Variants in MGAT4C observed in about 807,000 individuals in gnomAD.
The protein encoded by MGAT4C is MGAT4 family member C.
A neutral mutation model predicts 40.1 loss-of-function variants in MGAT4C; 19 were observed. The observed-to-expected ratio is 0.47, with a 90% CI of 0.33 to 0.70. MGAT4C has a LOEUF of 0.70. Among genes scored for constraint, MGAT4C ranks in the 30% least tolerant of loss-of-function variants. MGAT4C has a pLI of 0.02. For missense variants in MGAT4C, 491 were observed against 563.2 expected, an observed-to-expected ratio of 0.87 and a Z score of 1.30; for synonymous variants, 181 against 187.1, an observed-to-expected ratio of 0.97 and a Z score of 0.27.
intron 2 of MGAT4C, 24 bp downstream of exon 2, chr12:86,049,650 A>G: frequency 1.0e-6 from 1 of 970,258 alleles, no homozygotes; most frequent in Non-Finnish European, 1.2e-6. Flanking sequence ...TTAGAATACT[A>G]CCATGAATGA....
intron 4 of MGAT4C, among the ~76,000 whole-genome samples, chr12:86,318,361 C>T (rs1954296895): frequency 6.6e-6 from 1 of 152,106 alleles, no homozygotes; most frequent in Non-Finnish European, 1.5e-5. Context: ...CCTGAAGGAG[C>T]AGCCATCACA....
intron 3 of MGAT4C, among the ~76,000 whole-genome samples, chr12:86,416,474 G>A (rs1406595153): frequency 6.6e-6 from 1 of 152,048 alleles, no homozygotes; most frequent in Admixed American, 6.6e-5. Context: ...CAGAGGCACT[G>A]GTTACCCAGT....
chr12:86,044,952 AG>A (rs1892240274), intron 2 of MGAT4C, among the ~76,000 whole-genome samples: 2 of 151,966 alleles, frequency 1.3e-5, no homozygotes, highest in Admixed American at 1.3e-4. Flanking sequence ...GTTCATGGTG[AG>A]GGCAGGTTGC....
At chr12:85,991,528 C>T (rs970891582) in intron 2 of MGAT4C, among the ~76,000 whole-genome samples, 1 of 152,150 alleles carries the variant, frequency 6.6e-6, no homozygotes, top group African/African-American at 2.4e-5. Context: ...CTGCTTGCAC[C>T]AATGGGCACC....
At chr12:86,719,153 G>GATGC (rs1162218195) in intron 2 of MGAT4C, among the ~76,000 whole-genome samples, 3 of 152,106 alleles carry the variant, frequency 2.0e-5, no homozygotes, top group Admixed American at 6.5e-5. Context: ...AGAACTTGAG[G>GATGC]GCATGGTCCA....
chr12:86,309,979 C>T (rs577953878), intron 4 of MGAT4C, among the ~76,000 whole-genome samples: 18 of 150,442 alleles, frequency 1.2e-4, no homozygotes, highest in East Asian at 1.2e-3. Flanking sequence ...AAGAAAGATA[C>T]GATAAAGCAA....
At chr12:86,605,482 G>T (rs1962012005) in intron 2 of MGAT4C, among the ~76,000 whole-genome samples, 2 of 152,110 alleles carry the variant, frequency 1.3e-5, no homozygotes, top group African/African-American at 4.8e-5. Flanking sequence ...TAATTTTCTG[G>T]TAATCAATCA....
chr12:86,190,131 T>G (rs548968346), intron 1 of MGAT4C, among the ~76,000 whole-genome samples: 1 of 152,036 alleles, frequency 6.6e-6, no homozygotes, highest in Non-Finnish European at 1.5e-5. Context: ...ATTTGGGGAA[T>G]AAATGCCAAA....
chr12:86,352,410 C>G (rs549659183), intron 3 of MGAT4C, among the ~76,000 whole-genome samples: 9 of 152,178 alleles, frequency 5.9e-5, no homozygotes, highest in Middle Eastern at 3.4e-3. Context: ...TCCTTCCCAT[C>G]ATCATCTGCT....
At chr12:86,322,980 C>A (rs544315551) in intron 4 of MGAT4C, among the ~76,000 whole-genome samples, 15 of 151,984 alleles carry the variant, frequency 9.9e-5, no homozygotes, top group African/African-American at 3.6e-4. Context: ...TGTTTATAAA[C>A]TCATCACAAG....
At chr12:86,247,168 T>C (rs1425541845) in intron 1 of MGAT4C, among the ~76,000 whole-genome samples, 2 of 152,220 alleles carry the variant, frequency 1.3e-5, no homozygotes, top group African/African-American at 2.4e-5. Flanking sequence ...TAAATACTTA[T>C]ATAATTAGTT....
At chr12:86,180,967 C>T (rs1303603713) in intron 1 of MGAT4C, among the ~76,000 whole-genome samples, 1 of 152,108 alleles carries the variant, frequency 6.6e-6, no homozygotes, top group Non-Finnish European at 1.5e-5. Flanking sequence ...GCTGTGTCCC[C>T]ACCCAAGTCT....
chr12:86,289,221 G>T (rs974280586), intron 4 of MGAT4C, among the ~76,000 whole-genome samples: 1 of 152,116 alleles, frequency 6.6e-6, no homozygotes, highest in Non-Finnish European at 1.5e-5. Flanking sequence ...GATTGTAGGC[G>T]CATGGCATTA....
Position 85,973,246 on chromosome 12 carries a change from A to G in MGAT4C, c.*6043T>C, listed in dbSNP as rs532023325. ...GTGCACTATAAATTAAATATTTAAA[A>G]TATTTTTGCAATAGTTAGCTTTCAA... On this transcript the variant is annotated 3_prime_UTR_variant, in exon 5 of 5. Transcript: ENST00000611864. 5 of 150,914 alleles carry G rather than the reference A, an allele frequency of 3.3e-5. No individual in the cohort carries two copies. Among genetic ancestry groups the G allele is most frequent in the African/African-American group, 1.2e-4 (5 of 41,434 alleles). The allele number at this position is 150,914 out of a possible 1,614,324, so 9.3% of individuals were successfully genotyped here. A position where few individuals can be genotyped will look rare whatever the true frequency, so the allele number is the denominator to read the frequency against.
chr12:86,140,711 TTCAA>T (rs1249604338), intron 1 of MGAT4C, among the ~76,000 whole-genome samples: 2 of 152,110 alleles, frequency 1.3e-5, no homozygotes, highest in Admixed American at 1.3e-4. Flanking sequence ...GTTCAATAGG[TTCAA>T]TCATAGTTTC....
intron 3 of MGAT4C, among the ~76,000 whole-genome samples, chr12:86,358,796 A>C (rs1366905652): frequency 6.6e-6 from 1 of 152,228 alleles, no homozygotes; most frequent in African/African-American, 2.4e-5. Flanking sequence ...ATGTATATGC[A>C]CCCAATACAG....
intron 2 of MGAT4C, among the ~76,000 whole-genome samples, chr12:86,643,869 A>G (rs1963460681): frequency 6.6e-6 from 1 of 151,634 alleles, no homozygotes; most frequent in Non-Finnish European, 1.5e-5. Context: ...TTATTGTAAA[A>G]CTTTTATGAA....
intron 2 of MGAT4C, among the ~76,000 whole-genome samples, chr12:86,011,262 T>C (rs771113269): frequency 6.6e-6 from 1 of 152,192 alleles, no homozygotes; most frequent in Non-Finnish European, 1.5e-5. Flanking sequence ...GTAAATTGCA[T>C]AAGTCAAGAA....
chr12:86,795,608 G>C (rs1239979183), intron 1 of MGAT4C, among the ~76,000 whole-genome samples: 2 of 151,408 alleles, frequency 1.3e-5, no homozygotes, highest in African/African-American at 2.4e-5. Context: ...AAAGGAGAGA[G>C]AGAGAGAAAG....
Sources: gnomAD v4.1 joint callset for allele counts (sites outside exome capture counted in the v4.1 genomes callset) on GRCh38, gnomAD v4.1.1 for gene constraint, MANE v1.5 for transcripts, NCBI Gene and HGNC (gene_info 2026-07-23, HGNC 2026-07-21) for gene names.